TMC2: variants seen among roughly 807,000 people sequenced by gnomAD.
TMC2 encodes transmembrane channel like 2, also known as transmembrane channel-like protein 2.
TMC2 carries 102 observed loss-of-function variants against 105.9 expected under a neutral mutation model. That is an observed-to-expected ratio of 0.96 (90% CI 0.82 to 1.14). The LOEUF is 1.14. TMC2 is among the 50% of genes most tolerant of loss of function. The pLI, the probability that TMC2 is intolerant of heterozygous loss-of-function variation, is 0.00. For missense variants in TMC2, 1,093 were observed against 1,134.3 expected (o/e 0.96, Z 0.52); for synonymous variants, 402 against 422.8 (o/e 0.95, Z 0.60).
rs183059408 is a variant in TMC2, at chr20:2,610,504, C to G, written c.1499C>G (p.Thr500Ser). Residue 500 changes from threonine to serine, a missense_variant, in exon 12 of 20, where the codon ACT becomes AGT. Physicochemically the swap from Thr to Ser is moderately conservative, Grantham distance 58. Transcript: ENST00000358864. ...GCCCTGGAGAATTACCACCCACGCA[C>G]TGGACTGAAGTGGCAGCTGGGACGC... ...IAALENYHPR[T>S]GLKWQLGRIF... 2.9e-5 allele frequency: 47 copies of G among 1,613,920 alleles called. 1 individual carries two copies. The Middle Eastern group carries it at 8.2e-4, about 28-fold the overall frequency.
At chr20:2,555,289 C>T (rs957098331) in intron 2 of TMC2, among the ~76,000 whole-genome samples, 1 of 151,810 alleles carries the variant, frequency 6.6e-6, no homozygotes, top group African/African-American at 2.4e-5. Flanking sequence ...CCATGTTGGC[C>T]ACGCTGGTCT....
chr20:2,585,690 C>T (rs1293040770), intron 7 of TMC2, among the ~76,000 whole-genome samples: 1 of 152,206 alleles, frequency 6.6e-6, no homozygotes, highest in Non-Finnish European at 1.5e-5. Flanking sequence ...TCCAACCTTA[C>T]TTATGTGGCT....
intron 18 of TMC2, 126 bp downstream of exon 18, chr20:2,636,130 T>G (rs13038659): frequency 0.12 from 91,178 of 735,568 alleles, 8,230 homozygotes; most frequent in African/African-American, 0.3. Flanking sequence ...TCCCAAAATA[T>G]CTGTATTATG....
chr20:2,615,318 C>G (rs555600305), intron 14 of TMC2, among the ~76,000 whole-genome samples: 196 of 152,360 alleles, frequency 1.3e-3, no homozygotes, highest in African/African-American at 4.5e-3. Context: ...GAGACTCCGT[C>G]TCAATAAATA....
At position 2,641,605 on chromosome 20, in the gene TMC2, A is replaced by G. The variant is rs2086690326; in HGVS notation, c.*254A>G. ...CCCTCCCAAATATCTTGGTTCAGACAGCTCTGAACCCCACGCTCACAGTGG... is the reference window on the plus strand; with the variant it reads ...CCCTCCCAAATATCTTGGTTCAGACGGCTCTGAACCCCACGCTCACAGTGG... On this transcript the variant is annotated 3_prime_UTR_variant, in exon 20 of 20. Coordinates refer to ENST00000358864, the MANE Select transcript of TMC2 (RefSeq NM_080751.3). 2.2e-6 allele frequency: 1 copy of G among 457,780 alleles called. No individual in the cohort carries two copies. Among genetic ancestry groups the G allele is most frequent in the South Asian group, 3.3e-5 (1 of 30,698 alleles). 28.4% of individuals were successfully genotyped at this position (457,780 alleles called of 1,614,324 possible). A position where few individuals can be genotyped will look rare whatever the true frequency, so the allele number is the denominator to read the frequency against.
intron 7 of TMC2, among the ~76,000 whole-genome samples, chr20:2,586,037 T>C (rs1198728693): frequency 8.5e-5 from 13 of 152,136 alleles, no homozygotes; most frequent in Admixed American, 7.9e-4. Context: ...GCCTACCACA[T>C]TGAACCCTCT....
intron 2 of TMC2, among the ~76,000 whole-genome samples, chr20:2,544,151 A>T (rs191089166): frequency 6.6e-6 from 1 of 151,420 alleles, no homozygotes; most frequent in Admixed American, 6.6e-5. Context: ...CCTGACCTCA[A>T]GTGATCTGCC....
At chr20:2,595,093 C>A (rs1392715258) in intron 9 of TMC2, 126 bp downstream of exon 9, 2 of 1,052,192 alleles carry the variant, frequency 1.9e-6, no homozygotes, top group South Asian at 3.1e-5. Flanking sequence ...GCACAGAAAG[C>A]ATATGCACAT....
At position 2,617,183 on chromosome 20, in the gene TMC2, C is replaced by T. The variant is rs142729648; in HGVS notation, c.2052C>T (p.Arg684=). Residue 684 remains arginine (R), a synonymous_variant, in exon 16 of 20, where the codon CGC becomes CGT. Transcript: ENST00000358864. ...TGAGCAGCAACGTACCCCATGAACG[C>T]GTGTTCAAAGCCTCCCGATCCAACA... ...AVMSSNVPHE[R]VFKASRSNNF... 1.5e-3 allele frequency: 2,469 copies of T among 1,614,216 alleles called. 6 individuals carry two copies. Among genetic ancestry groups the T allele is most frequent in the Non-Finnish European group, 1.9e-3 (2,267 of 1,180,032 alleles).
chr20:2,641,433 C>T lies in TMC2; in HGVS notation c.*82C>T, dbSNP rs932786432. 9.9e-6 allele frequency: 8 copies of T among 809,550 alleles called. No homozygotes were observed. The highest frequency in any genetic ancestry group is 1.7e-5 in the African/African-American group (1 of 58,596). 50.1% of individuals were successfully genotyped at this position (809,550 alleles called of 1,614,324 possible). A position where few individuals can be genotyped will look rare whatever the true frequency, so the allele number is the denominator to read the frequency against. Reference sequence around the variant, plus strand: ...CACACATACCAAACCAAGGTTCTCTCCCCTCTTTCCTCTCACATACATGCT... The same window carrying T: ...CACACATACCAAACCAAGGTTCTCTTCCCTCTTTCCTCTCACATACATGCT... On this transcript the variant is annotated 3_prime_UTR_variant, in exon 20 of 20. Transcript: ENST00000358864.
intron 18 of TMC2, among the ~76,000 whole-genome samples, chr20:2,636,485 C>CACACACACAA (rs1555778110): frequency 6.6e-6 from 1 of 151,694 alleles, no homozygotes; most frequent in Non-Finnish European, 1.5e-5. Flanking sequence ...CACACACACA[C>CACACACACAA]ACACACACGC....
In TMC2 at chr20:2,558,206, G is replaced by C; in HGVS notation, c.83-250G>C. ...GTATAGGGCAGGACACCTGTCACAG[G>C]AGGTCTTCAAGGGAGACGGGAGGGA... On this transcript the variant is annotated intron_variant, in intron 2 of 19. Coordinates refer to ENST00000358864, the MANE Select transcript of TMC2 (RefSeq NM_080751.3). This position sits in a 1 kb window ranked among gnomAD's most constrained non-coding sequence, Gnocchi z 4.6. 1.3e-6 allele frequency: 1 copy of C among 793,768 alleles called. No homozygotes were observed. Among genetic ancestry groups the C allele is most frequent in the Non-Finnish European group, 1.9e-6 (1 of 531,030 alleles). The allele number at this position is 793,768 out of a possible 1,614,324, so 49.2% of individuals were successfully genotyped here.
At chr20:2,541,353 T>C (rs1380575018) in intron 2 of TMC2, among the ~76,000 whole-genome samples, 3 of 152,150 alleles carry the variant, frequency 2.0e-5, no homozygotes, top group Non-Finnish European at 4.4e-5. Context: ...TCAGAAAGTA[T>C]TTTTAGGCTG....
intron 4 of TMC2, among the ~76,000 whole-genome samples, chr20:2,565,699 A>T (rs1341574022): frequency 2.6e-5 from 4 of 152,152 alleles, no homozygotes; most frequent in African/African-American, 9.7e-5. Flanking sequence ...TCTCTGGCCC[A>T]GTCAGGCACT....
chr20:2,624,200 G>A, intron 16 of TMC2, 71 bp from the exon 17 acceptor site: 2 of 1,523,606 alleles, frequency 1.3e-6, no homozygotes, highest in Non-Finnish European at 1.8e-6. Context: ...TGGGTAGGGG[G>A]GCCATGGACA....
At chr20:2,606,916 A>G (rs913298253) in intron 11 of TMC2, among the ~76,000 whole-genome samples, 1 of 42,988 alleles carries the variant, frequency 2.3e-5, no homozygotes, top group South Asian at 5.3e-4. Context: ...TTTTTGCAGT[A>G]TTCTGTCACC....
intron 5 of TMC2, among the ~76,000 whole-genome samples, chr20:2,578,390 T>C (rs1490693440): frequency 6.6e-6 from 1 of 152,238 alleles, no homozygotes; most frequent in East Asian, 1.9e-4. Flanking sequence ...ATGCTTTCTA[T>C]GAGTATTTCT....
chr20:2,545,877 GAA>G (rs1217486988), intron 2 of TMC2, among the ~76,000 whole-genome samples: 1 of 135,862 alleles, frequency 7.4e-6, no homozygotes, highest in African/African-American at 2.7e-5. Flanking sequence ...AAGAAAGAAA[GAA>G]AAAGAAAGAA....
chr20:2,555,537 T>G (rs1484284368), intron 2 of TMC2, among the ~76,000 whole-genome samples: 1 of 152,214 alleles, frequency 6.6e-6, no homozygotes, highest in Non-Finnish European at 1.5e-5. Context: ...ATATTTAAAG[T>G]GGGATTCTTA....
Sources: gnomAD v4.1 joint callset for allele counts (sites outside exome capture counted in the v4.1 genomes callset) on GRCh38, gnomAD v4.1.1 for gene constraint, Gnocchi (gnomAD v3.1) non-coding constraint, MANE v1.5 for transcripts, NCBI Gene and HGNC (gene_info 2026-07-23, HGNC 2026-07-21) for gene names.